The following RAPGEF5 variants were observed in gnomAD, a reference collection of about 807,000 sequenced individuals.
The protein encoded by RAPGEF5 is Rap guanine nucleotide exchange factor 5, also known as M-Ras-regulated GEF.
In RAPGEF5, 65 loss-of-function variants were observed where a neutral mutation model predicts 125.2. The ratio of observed to expected loss-of-function variants is 0.52; its 90% confidence interval spans 0.43 to 0.64. The LOEUF is 0.64. RAPGEF5 is among the 30% of genes least tolerant of loss of function. The pLI, the probability that RAPGEF5 is intolerant of heterozygous loss-of-function variation, is 0.00. For synonymous variants in RAPGEF5, 391 were observed against 385.9 expected (o/e 1.01, Z -0.16); for missense variants, 958 against 1,048.1 (o/e 0.91, Z 1.19).
chr7:22,133,223 G>A (rs1199258043), intron 23 of RAPGEF5, among the ~76,000 whole-genome samples: 2 of 152,296 alleles, frequency 1.3e-5, no homozygotes, highest in Middle Eastern at 3.4e-3. Context: ...TAAGCATAAG[G>A]CAGGGAAGGT....
At chr7:22,231,496 T>G (rs1314096666) in intron 7 of RAPGEF5, among the ~76,000 whole-genome samples, 2 of 152,076 alleles carry the variant, frequency 1.3e-5, no homozygotes, top group African/African-American at 4.8e-5. Context: ...CTCTCACTAA[T>G]CCAATCCAGC....
At chr7:22,188,895 G>C (rs1583464515) in intron 11 of RAPGEF5, among the ~76,000 whole-genome samples, 1 of 151,108 alleles carries the variant, frequency 6.6e-6, no homozygotes, top group Non-Finnish European at 1.5e-5. Context: ...GAACAGTAAC[G>C]AACTCACTTT....
chr7:22,134,254 T>C (rs1346588790), intron 23 of RAPGEF5, among the ~76,000 whole-genome samples: 4 of 152,344 alleles, frequency 2.6e-5, no homozygotes, highest in African/African-American at 9.6e-5. Context: ...TAACTTTAAG[T>C]ACAATGAAGT....
intron 12 of RAPGEF5, among the ~76,000 whole-genome samples, 200 bp from the exon 13 acceptor site, chr7:22,162,741 T>G (rs1784047082): frequency 6.6e-6 from 1 of 152,176 alleles, no homozygotes; most frequent in Non-Finnish European, 1.5e-5. Flanking sequence ...GTATACTCGG[T>G]AGGCAGCCAG....
intron 11 of RAPGEF5, among the ~76,000 whole-genome samples, chr7:22,176,106 G>T (rs1250471133): frequency 3.9e-5 from 6 of 152,152 alleles, no homozygotes; most frequent in African/African-American, 1.4e-4. Context: ...AAGAGCAAAG[G>T]CATGTCTTAC....
chr7:22,227,984 T>C (rs1464417992), intron 8 of RAPGEF5, among the ~76,000 whole-genome samples: 1 of 152,214 alleles, frequency 6.6e-6, no homozygotes, highest in Non-Finnish European at 1.5e-5. Flanking sequence ...CTAGAATATT[T>C]TGTGTCTGCA....
chr7:22,234,379 G>A (rs1786134042), intron 7 of RAPGEF5, among the ~76,000 whole-genome samples: 2 of 152,110 alleles, frequency 1.3e-5, no homozygotes, highest in South Asian at 4.1e-4. Context: ...TGCAAATATT[G>A]ATTCTGGGAC....
chr7:22,191,781 C>A (rs756359810), intron 11 of RAPGEF5: 1 of 403,874 alleles, frequency 2.5e-6, no homozygotes, highest in Non-Finnish European at 5.2e-6. Context: ...CCTGTGAGCA[C>A]CTGAGCCATT....
At chr7:22,218,090 A>G (rs1164631008) in intron 9 of RAPGEF5, among the ~76,000 whole-genome samples, 3 of 152,114 alleles carry the variant, frequency 2.0e-5, no homozygotes, top group Admixed American at 6.6e-5. Context: ...AACATTAGGT[A>G]TATCTCCTAA....
intron 5 of RAPGEF5, among the ~76,000 whole-genome samples, chr7:22,293,371 C>T (rs915466696): frequency 6.6e-5 from 10 of 152,196 alleles, no homozygotes; most frequent in Non-Finnish European, 1.5e-4. Flanking sequence ...GTCCTGTTCA[C>T]CCTAGAGCCA....
At chr7:22,200,373 A>T (rs1785248869) in intron 9 of RAPGEF5, among the ~76,000 whole-genome samples, 1 of 152,244 alleles carries the variant, frequency 6.6e-6, no homozygotes, top group Non-Finnish European at 1.5e-5. Context: ...TAAGAGAGAG[A>T]TTAAGTTAGC....
At chr7:22,215,810 G>A (rs181633101) in intron 9 of RAPGEF5, among the ~76,000 whole-genome samples, 356 of 152,246 alleles carry the variant, frequency 2.3e-3, no homozygotes, top group Non-Finnish European at 4.2e-3. Flanking sequence ...AAAGGGTTCT[G>A]GAAAGAAAAG....
chr7:22,154,724 G>T, intron 16 of RAPGEF5, 120 bp from the exon 17 acceptor site: 1 of 1,065,616 alleles, frequency 9.4e-7, no homozygotes, highest in Non-Finnish European at 1.3e-6. Context: ...ATTCTCTTCA[G>T]TATAACACAT....
chr7:22,327,637 C>G (rs1783839056), intron 1 of RAPGEF5, among the ~76,000 whole-genome samples: 1 of 152,220 alleles, frequency 6.6e-6, no homozygotes, highest in African/African-American at 2.4e-5. Flanking sequence ...CTCATCAGCA[C>G]CACTTAAAAG....
intron 11 of RAPGEF5, among the ~76,000 whole-genome samples, chr7:22,172,087 T>C (rs906509664): frequency 2.0e-5 from 3 of 152,152 alleles, no homozygotes; most frequent in Non-Finnish European, 2.9e-5. Flanking sequence ...ACTGATGTCA[T>C]ATAGGACTTT....
intron 8 of RAPGEF5, among the ~76,000 whole-genome samples, chr7:22,228,269 G>A (rs1785968186): frequency 6.6e-6 from 1 of 152,152 alleles, no homozygotes; most frequent in Non-Finnish European, 1.5e-5. Flanking sequence ...GACTGCCCTG[G>A]TTTCAGACCT....
intron 20 of RAPGEF5, among the ~76,000 whole-genome samples, chr7:22,142,603 G>A (rs986588277): frequency 5.9e-5 from 9 of 152,174 alleles, no homozygotes; most frequent in Admixed American, 2.6e-4. Context: ...TTCTGGAGAA[G>A]ACAAATTGAT....
At chr7:22,207,493 C>G (rs999850665) in intron 9 of RAPGEF5, among the ~76,000 whole-genome samples, 1 of 152,098 alleles carries the variant, frequency 6.6e-6, no homozygotes, top group African/African-American at 2.4e-5. Context: ...AGTGGTTTAT[C>G]ATTAAATTTT....
intron 1 of RAPGEF5, among the ~76,000 whole-genome samples, chr7:22,330,591 G>C (rs1783897964): frequency 6.6e-6 from 1 of 152,180 alleles, no homozygotes; most frequent in South Asian, 2.1e-4. Context: ...TTGCTAAAGT[G>C]CTTAGGATCA....
Sources: gnomAD v4.1 joint callset for allele counts (sites outside exome capture counted in the v4.1 genomes callset) on GRCh38, gnomAD v4.1.1 for gene constraint, MANE v1.5 for transcripts, NCBI Gene and HGNC (gene_info 2026-07-23, HGNC 2026-07-21) for gene names.